ARAP2: variants seen among roughly 807,000 people sequenced by gnomAD.
ARAP2 encodes ArfGAP with RhoGAP domain, ankyrin repeat and PH domain 2, also known as arf-GAP with Rho-GAP domain, ANK repeat and PH domain-containing protein 2.
A neutral mutation model predicts 194.5 loss-of-function variants in ARAP2; 148 were observed. That is an observed-to-expected ratio of 0.76 (90% CI 0.67 to 0.87). The LOEUF is 0.87. Ranked by LOEUF, ARAP2 falls within the 40% of genes least tolerant of loss-of-function variation. ARAP2 has a pLI of 0.00. For missense variants in ARAP2, 2,128 were observed against 1,989.7 expected, an observed-to-expected ratio of 1.07 and a Z score of -1.32; for synonymous variants, 695 against 683.5, an observed-to-expected ratio of 1.02 and a Z score of -0.26.
intron 2 of ARAP2, among the ~76,000 whole-genome samples, chr4:36,222,793 AT>A (rs35411719): frequency 6.6e-6 from 1 of 152,040 alleles, no homozygotes; most frequent in African/African-American, 2.4e-5. Flanking sequence ...TATGTTTGAA[AT>A]TTTCCAATTT....
Position 36,124,958 on chromosome 4 carries a change from T to A in ARAP2, c.3650A>T (p.Asp1217Val). Residue 1217 changes from aspartate (D) to valine (V), a missense_variant, in exon 22 of 33, where the codon GAT becomes GTT. Coordinates refer to ENST00000303965, the MANE Select transcript of ARAP2 (RefSeq NM_015230.4). ...ATATTTTTTAATTCTTTCCTTGTCA[T>A]CTTGCGTATCTGAAGGGGAAAAAAA... The part of the protein sequence containing the change: ...PYWISALDTQ[D>V]DKERIKKYGA... 6.2e-7 allele frequency: 1 copy of A among 1,604,162 alleles called. No individual in the cohort carries two copies. The highest frequency in any genetic ancestry group is 8.5e-7 in the Non-Finnish European group (1 of 1,172,948).
At chr4:36,024,943 C>A (rs1019277534) in intron 5 of ARAP2, among the ~76,000 whole-genome samples, 13 of 152,106 alleles carry the variant, frequency 8.5e-5, no homozygotes, top group African/African-American at 2.7e-4. Context: ...ATCTTCCTGT[C>A]ATCTGTAAGG....
At chr4:36,064,319 C>T (rs1449592467), downstream of ARAP2, among the ~76,000 whole-genome samples, 1 of 151,954 alleles carries the variant, frequency 6.6e-6, no homozygotes. Flanking sequence ...AATAAGCCAC[C>T]TCTGACCCTA....
At chr4:36,231,399 T>C (rs549782318) in intron 1 of ARAP2, among the ~76,000 whole-genome samples, 3 of 151,902 alleles carry the variant, frequency 2.0e-5, no homozygotes, top group Non-Finnish European at 4.4e-5. Context: ...CAACACTACA[T>C]ACAAACTCAA....
At chr4:36,196,683 G>T (rs1053933630) in intron 6 of ARAP2, among the ~76,000 whole-genome samples, 3 of 152,008 alleles carry the variant, frequency 2.0e-5, no homozygotes, top group African/African-American at 7.2e-5. Context: ...AAGAACAACT[G>T]CCCTACAGGT....
At chr4:36,065,377 G>C, downstream of ARAP2, 1 of 523,332 alleles carries the variant, frequency 1.9e-6, no homozygotes, top group South Asian at 1.4e-5. Context: ...TTCTCATAGT[G>C]CCAGGGCCCC....
intron 21 of ARAP2, among the ~76,000 whole-genome samples, 185 bp downstream of exon 21, chr4:36,128,348 C>T (rs1344124226): frequency 6.6e-6 from 1 of 151,836 alleles, no homozygotes; most frequent in African/African-American, 2.4e-5. Flanking sequence ...AGAGAAACAG[C>T]TATTGATATT....
intron 8 of ARAP2, among the ~76,000 whole-genome samples, chr4:36,179,085 C>T (rs1205647103): frequency 6.6e-6 from 1 of 152,120 alleles, no homozygotes; most frequent in South Asian, 2.1e-4. Context: ...TTCATACTGC[C>T]TGTTTAGGAA....
Position 36,036,364 on chromosome 4 carries a change from T to C in ARAP2, n.607+9615A>G, listed in dbSNP as rs573457230. On this transcript the variant is annotated intron_variant and non_coding_transcript_variant, in intron 5 of 12. Transcript: ENST00000503225. ...GCTCAATAACATTTATTGTTTTTGC[T>C]GTCTTGCAATATTTTCTATAGGTTT... Among the ~76,000 whole-genome samples, 513 of 152,282 alleles carry C rather than the reference T, an allele frequency of 3.4e-3. 3 individuals are homozygous for C. The highest frequency in any genetic ancestry group is 0.012 in the African/African-American group (485 of 41,584).
chr4:36,182,156 T>C (rs1739422301), intron 8 of ARAP2, among the ~76,000 whole-genome samples: 1 of 152,168 alleles, frequency 6.6e-6, no homozygotes, highest in African/African-American at 2.4e-5. Flanking sequence ...GGCCAGATCA[T>C]GCGGGGTTTT....
intron 5 of ARAP2, among the ~76,000 whole-genome samples, chr4:36,022,080 T>C (rs1404093650): frequency 6.6e-6 from 1 of 152,096 alleles, no homozygotes; most frequent in Non-Finnish European, 1.5e-5. Context: ...TACGTAAACA[T>C]AGAAATGGTT....
chr4:36,187,186 CT>C lies in ARAP2; in HGVS notation c.1678+264del, dbSNP rs373816722. On this transcript the variant is annotated intron_variant, in intron 8 of 32. Transcript: ENST00000303965. The stretch of plus-strand genomic sequence containing the variant: ...CCACGAAAGCAGAGAATTGTGTCTA[CT>C]TTTTTTCACATTGTATATGCAGAAC... Among the ~76,000 whole-genome samples the C allele has an allele frequency of 6.2e-3, 950 of 152,284 alleles. 12 individuals are homozygous for C. Among genetic ancestry groups the C allele is most frequent in the African/African-American group, 0.022 (904 of 41,554 alleles).
chr4:36,125,531 C>T (rs929961710), intron 21 of ARAP2, among the ~76,000 whole-genome samples: 2 of 151,886 alleles, frequency 1.3e-5, no homozygotes, highest in African/African-American at 4.8e-5. Flanking sequence ...GTTGAGAGTG[C>T]AATGGAAGAA....
At position 36,160,444 on chromosome 4, in the gene ARAP2, T is replaced by C. The variant is rs369765548; in HGVS notation, c.2442+15A>G. 2.2e-5 allele frequency: 33 copies of C among 1,517,674 alleles called. No individual in the cohort carries two copies. The highest frequency in any genetic ancestry group is 9.3e-5 in the South Asian group (7 of 75,310). The allele number at this position is 1,517,674 out of a possible 1,614,324, so 94.0% of individuals were successfully genotyped here. On this transcript the variant is annotated intron_variant, in intron 13 of 32. Transcript: ENST00000303965. ...ACATTAAAATCCACGTCTGCTGTTA[T>C]GTTTAATTGAATACCTTATTTAATT...
Position 36,228,895 on chromosome 4 carries a change from T to C in ARAP2, c.592A>G (p.Lys198Glu). 6.2e-7 allele frequency: 1 copy of C among 1,614,020 alleles called. No individual in the cohort carries two copies. Among genetic ancestry groups the C allele is most frequent in the Non-Finnish European group, 8.5e-7 (1 of 1,179,954 alleles). ...AGATTTTCTGTGATCAATTTAACTT[T>C]TTCTGTTTGTTGTTCTTCAACTGTG... ...DHTVEEQQTE[K>E]VKLITENLSK... The change falls in exon 2 of 33, where the codon AAA becomes GAA. Residue 198 changes from lysine (K) to glutamate (E), a missense_variant. By Grantham distance (56) the Lys-to-Glu change is moderately conservative. Transcript: ENST00000303965.
intron 19 of ARAP2, among the ~76,000 whole-genome samples, chr4:36,136,820 C>CGT (rs111433081): frequency 3.2e-3 from 144 of 44,512 alleles, no homozygotes; most frequent in Middle Eastern, 0.016. Context: ...TGTGTGTGTG[C>CGT]GTGTCTGTGT....
At chr4:36,046,420 C>T (rs908750066) in intron 4 of ARAP2, among the ~76,000 whole-genome samples, 1 of 152,066 alleles carries the variant, frequency 6.6e-6, no homozygotes, top group Non-Finnish European at 1.5e-5. Context: ...AGCTCCTGGG[C>T]TCAAGGAATC....
intron 6 of ARAP2, among the ~76,000 whole-genome samples, chr4:36,198,156 T>C (rs1560645541): frequency 1.3e-5 from 2 of 152,036 alleles, no homozygotes; most frequent in Admixed American, 1.3e-4. Context: ...AGGTCCTGGG[T>C]GGGGAGCTCC....
chr4:36,041,118 A>G lies in ARAP2; in HGVS notation n.607+4861T>C, dbSNP rs142571324. 1.2e-4 allele frequency among the ~76,000 whole-genome samples: 19 copies of G among 152,084 alleles called. No homozygotes were observed. In the East Asian group the frequency reaches 3.7e-3, roughly 29 times the overall value. On this transcript the variant is annotated intron_variant and non_coding_transcript_variant, in intron 5 of 12. Transcript: ENST00000503225. ...TTGGGTTTTGTCGATAGTTCTCTTT[A>G]TGTAATTTGATGACAAACACCAAAA... is the stretch of plus-strand genomic sequence containing the variant.
Sources: gnomAD v4.1 joint callset for allele counts (sites outside exome capture counted in the v4.1 genomes callset) on GRCh38, gnomAD v4.1.1 for gene constraint, MANE v1.5 for transcripts, NCBI Gene and HGNC (gene_info 2026-07-23, HGNC 2026-07-21) for gene names.